Variants in CEP112 observed in about 807,000 individuals in gnomAD.
CEP112 encodes the protein centrosomal protein 112, also known as centrosomal protein of 112 kDa.
CEP112 carries 127 observed loss-of-function variants against 153.0 expected under a neutral mutation model. That is an observed-to-expected ratio of 0.83 (90% CI 0.72 to 0.96). The LOEUF is 0.96. Ranked by LOEUF, CEP112 falls within the 40% of genes least tolerant of loss-of-function variation. The pLI is 0.00. For missense variants in CEP112, 1,089 were observed against 1,101.2 expected, an observed-to-expected ratio of 0.99 and a Z score of 0.16; for synonymous variants, 358 against 374.4, an observed-to-expected ratio of 0.96 and a Z score of 0.51.
chr17:65,886,896 C>A (rs1280589722), intron 20 of CEP112, among the ~76,000 whole-genome samples: 4 of 152,018 alleles, frequency 2.6e-5, no homozygotes, highest in Non-Finnish European at 5.9e-5. Flanking sequence ...AACATTAATG[C>A]TTACTCAAAA....
At chr17:66,118,061 G>A (rs1005943520) in intron 6 of CEP112, among the ~76,000 whole-genome samples, 1 of 152,132 alleles carries the variant, frequency 6.6e-6, no homozygotes, top group Admixed American at 6.6e-5. Flanking sequence ...CACTGGTGGT[G>A]GGAATGTAAA....
chr17:66,115,143 T>C (rs569207416), intron 6 of CEP112, among the ~76,000 whole-genome samples: 3 of 152,168 alleles, frequency 2.0e-5, no homozygotes, highest in African/African-American at 7.2e-5. Flanking sequence ...AGGCAGAGGT[T>C]GCAGTGAGCC....
intron 6 of CEP112, among the ~76,000 whole-genome samples, chr17:66,110,170 A>G (rs1393483963): frequency 6.6e-6 from 1 of 152,074 alleles, no homozygotes; most frequent in Non-Finnish European, 1.5e-5. Context: ...AAACAAAACA[A>G]AAAAACAAAA....
At chr17:65,844,610 G>T (rs957598155) in intron 21 of CEP112, among the ~76,000 whole-genome samples, 1 of 146,110 alleles carries the variant, frequency 6.8e-6, no homozygotes, top group Non-Finnish European at 1.5e-5. Flanking sequence ...GCTTGAACCC[G>T]CAAGCCAGAG....
chr17:65,734,001 A>G (rs563087848), intron 23 of CEP112, among the ~76,000 whole-genome samples: 3 of 152,322 alleles, frequency 2.0e-5, no homozygotes, highest in African/African-American at 7.2e-5. Flanking sequence ...TGTCTCATTC[A>G]CTGGGGACAC....
At chr17:65,937,470 C>G (rs1305770355) in intron 18 of CEP112, among the ~76,000 whole-genome samples, 1 of 116,642 alleles carries the variant, frequency 8.6e-6, no homozygotes, top group South Asian at 4.2e-4. Context: ...CCGGCCGCCC[C>G]GTCTGAGAAG....
chr17:65,762,005 T>C (rs2052644376), intron 21 of CEP112, among the ~76,000 whole-genome samples: 1 of 152,142 alleles, frequency 6.6e-6, no homozygotes, highest in African/African-American at 2.4e-5. Context: ...TCTACAACTA[T>C]AATAGTAGAT....
At chr17:65,919,135 G>C (rs182248322) in intron 19 of CEP112, among the ~76,000 whole-genome samples, 1 of 152,350 alleles carries the variant, frequency 6.6e-6, no homozygotes, top group Non-Finnish European at 1.5e-5. Flanking sequence ...AGCAGCCTCT[G>C]CAAGCTGGAA....
chr17:65,688,562 T>C (rs2047932072), intron 24 of CEP112: 1 of 153,344 alleles, frequency 6.5e-6, no homozygotes, highest in Non-Finnish European at 1.5e-5. Flanking sequence ...ATAGTGCAGA[T>C]CTGGGCAGAA....
chr17:65,750,518 T>C (rs2051758714), intron 22 of CEP112, 144 bp downstream of exon 22: 1 of 649,324 alleles, frequency 1.5e-6, no homozygotes, highest in East Asian at 2.8e-5. Context: ...TATTGTTTAT[T>C]TGTATACCCA....
At chr17:65,892,979 T>G (rs2059526021) in intron 20 of CEP112, among the ~76,000 whole-genome samples, 1 of 152,144 alleles carries the variant, frequency 6.6e-6, no homozygotes, top group Non-Finnish European at 1.5e-5. Flanking sequence ...TAATAAATAC[T>G]GACTTAAGGA....
intron 1 of CEP112, among the ~76,000 whole-genome samples, chr17:66,189,155 T>C (rs117393271): frequency 0.034 from 5,200 of 152,252 alleles, 132 homozygotes; most frequent in Middle Eastern, 0.061. Context: ...GCCCTCAGAT[T>C]TATTATATTG....
intron 23 of CEP112, among the ~76,000 whole-genome samples, chr17:65,705,734 A>G (rs2048883146): frequency 6.6e-6 from 1 of 152,210 alleles, no homozygotes; most frequent in Non-Finnish European, 1.5e-5. Flanking sequence ...TTAGATTTGA[A>G]AAGACATGAG....
At chr17:65,793,172 C>T (rs527723381) in intron 21 of CEP112, among the ~76,000 whole-genome samples, 34 of 152,266 alleles carry the variant, frequency 2.2e-4, no homozygotes, top group Admixed American at 5.9e-4. Context: ...TAGCTCATTT[C>T]TTTTTAGCAC....
intron 22 of CEP112, among the ~76,000 whole-genome samples, chr17:65,745,642 GAGA>G (rs1598451477): frequency 6.6e-6 from 1 of 152,168 alleles, no homozygotes; most frequent in Non-Finnish European, 1.5e-5. Flanking sequence ...ATTCTGGAGA[GAGA>G]AGGAGGGCAA....
At chr17:66,159,169 AT>A (rs1206126286) in intron 4 of CEP112, among the ~76,000 whole-genome samples, 9 of 152,206 alleles carry the variant, frequency 5.9e-5, no homozygotes, top group African/African-American at 2.2e-4. Flanking sequence ...AAAACCCTGA[AT>A]AGACCAATAA....
At chr17:66,035,797 AC>A (rs2065713949) in intron 12 of CEP112, among the ~76,000 whole-genome samples, 1 of 152,150 alleles carries the variant, frequency 6.6e-6, no homozygotes, top group African/African-American at 2.4e-5. Flanking sequence ...TGCTCCAAGA[AC>A]CACCACAGAA....
intron 21 of CEP112, among the ~76,000 whole-genome samples, chr17:65,796,217 T>G (rs564945056): frequency 1.3e-5 from 2 of 152,264 alleles, no homozygotes; most frequent in Admixed American, 6.5e-5. Context: ...TCTGTAACAG[T>G]TTGTCTGTAG....
intron 19 of CEP112, among the ~76,000 whole-genome samples, chr17:65,910,699 G>A (rs2060251487): frequency 2.0e-5 from 3 of 151,950 alleles, no homozygotes; most frequent in African/African-American, 7.3e-5. Context: ...CATAATAAAG[G>A]TCCAGGAAAA....
Sources: allele counts gnomAD v4.1 joint callset (sites outside exome capture counted in the v4.1 genomes callset), GRCh38; gene constraint gnomAD v4.1.1; transcripts MANE v1.5; gene names NCBI Gene and HGNC (gene_info 2026-07-23, HGNC 2026-07-21).